KCNB2: variants seen among roughly 807,000 people sequenced by gnomAD.
KCNB2 encodes potassium voltage-gated channel subfamily B member 2.
KCNB2 carries 15 observed loss-of-function variants against 61.5 expected under a neutral mutation model. The ratio of observed to expected loss-of-function variants is 0.24; its 90% CI spans 0.16 to 0.38. The LOEUF (loss-of-function observed/expected upper bound fraction) is 0.38, where lower values mean the gene tolerates loss of function less well. KCNB2 is among the 10% of genes least tolerant of loss of function. The pLI, the probability that KCNB2 is intolerant of heterozygous loss-of-function variation, is 1.00. For synonymous variants in KCNB2, 457 were observed against 446.0 expected (o/e 1.02, Z -0.31); for missense variants, 828 against 1,125.2 (o/e 0.74, Z 3.78).
chr8:72,822,597 AC>A (rs1350898481), intron 2 of KCNB2, among the ~76,000 whole-genome samples: 1 of 152,066 alleles, frequency 6.6e-6, no homozygotes, highest in African/African-American at 2.4e-5. Context: ...ACCTCTCGCC[AC>A]CCTGGCCCCC....
At chr8:72,606,518 A>G (rs890592117) in intron 2 of KCNB2, among the ~76,000 whole-genome samples, 2 of 152,326 alleles carry the variant, frequency 1.3e-5, no homozygotes, top group Admixed American at 1.3e-4. Flanking sequence ...ACTAATTAGT[A>G]ATTGTTATTT....
intron 2 of KCNB2, among the ~76,000 whole-genome samples, chr8:72,688,919 G>A (rs1279806321): frequency 2.6e-5 from 4 of 151,990 alleles, no homozygotes; most frequent in Non-Finnish European, 4.4e-5. Context: ...TTGTAGAGAC[G>A]GGTTTCACCA....
intron 2 of KCNB2, among the ~76,000 whole-genome samples, chr8:72,785,554 C>T (rs1808832997): frequency 6.6e-6 from 1 of 152,090 alleles, no homozygotes; most frequent in Admixed American, 6.6e-5. Flanking sequence ...TAATAATGCT[C>T]TTTAATTGAA....
chr8:72,923,940 A>G (rs1328786104), intron 2 of KCNB2, among the ~76,000 whole-genome samples: 1 of 152,220 alleles, frequency 6.6e-6, no homozygotes, highest in South Asian at 2.1e-4. Context: ...CATGCATTAT[A>G]TCATTTCAGC....
chr8:72,917,136 T>C (rs1009976417), intron 2 of KCNB2, among the ~76,000 whole-genome samples: 1 of 152,308 alleles, frequency 6.6e-6, no homozygotes, highest in Middle Eastern at 3.4e-3. Context: ...TAAACAACAG[T>C]AAATCATTAA....
chr8:72,564,030 G>C (rs1342639093), intron 1 of KCNB2, among the ~76,000 whole-genome samples: 1 of 152,164 alleles, frequency 6.6e-6, no homozygotes, highest in East Asian at 1.9e-4. Context: ...ATTTCAGTTT[G>C]TCTTTTATTG....
chr8:72,925,763 A>T (rs1202818827), intron 2 of KCNB2, among the ~76,000 whole-genome samples: 2 of 152,210 alleles, frequency 1.3e-5, no homozygotes, highest in Non-Finnish European at 2.9e-5. Context: ...AAGTAATATA[A>T]ATCATTCTAT....
At chr8:72,595,756 A>G (rs73686084) in intron 2 of KCNB2, among the ~76,000 whole-genome samples, 5,023 of 152,258 alleles carry the variant, frequency 0.033, 309 homozygotes, top group African/African-American at 0.12. Context: ...GGCCCAGCCT[A>G]CATTATATTG....
intron 2 of KCNB2, among the ~76,000 whole-genome samples, chr8:72,687,539 G>A (rs1314098218): frequency 1.3e-5 from 2 of 151,962 alleles, no homozygotes; most frequent in African/African-American, 4.8e-5. Context: ...TCACAACGAT[G>A]GAACTCATAA....
At chr8:72,710,567 C>T (rs1433112117) in intron 2 of KCNB2, among the ~76,000 whole-genome samples, 1 of 152,068 alleles carries the variant, frequency 6.6e-6, no homozygotes, top group African/African-American at 2.4e-5. Context: ...CAAGCAGGCC[C>T]ATGTACCTCA....
chr8:72,714,577 G>A (rs1008455119), intron 2 of KCNB2, among the ~76,000 whole-genome samples: 1 of 152,078 alleles, frequency 6.6e-6, no homozygotes, highest in Non-Finnish European at 1.5e-5. Context: ...ATAAGTGAAG[G>A]AGAAATAAAA....
At position 72,561,719 on chromosome 8, in the gene KCNB2, ATATATATATC is replaced by A. The variant is rs1322193301; in HGVS notation, c.-93-5917_-93-5908del. On this transcript the variant is annotated intron_variant, in intron 1 of 2. Coordinates refer to ENST00000523207, the MANE Select transcript of KCNB2 (RefSeq NM_004770.3). ...TATATATATATATATATATATATATATATATATATCTATATCTATATATATATGTATATAT... is the reference window on the plus strand; with the variant it reads ...TATATATATATATATATATATATATATATATCTATATATATATGTATATAT... Among the ~76,000 whole-genome samples the A allele has an allele frequency of 1.6e-3, 38 of 24,102 alleles. 3 individuals carry two copies. The highest frequency in any genetic ancestry group is 0.013 in the African/African-American group (35 of 2,746). 15.8% of individuals were successfully genotyped at this position (24,102 alleles called of 152,430 possible).
chr8:72,911,732 G>A (rs180754900), intron 2 of KCNB2, among the ~76,000 whole-genome samples: 3 of 152,172 alleles, frequency 2.0e-5, no homozygotes, highest in African/African-American at 7.2e-5. Context: ...TCTTTTCACA[G>A]GGCCATCTCT....
At chr8:72,725,601 A>ATGTGTG (rs1554587084) in intron 2 of KCNB2, among the ~76,000 whole-genome samples, 2 of 100,250 alleles carry the variant, frequency 2.0e-5, no homozygotes, top group South Asian at 3.2e-4. Context: ...GTATATATAT[A>ATGTGTG]TATATATATA....
At chr8:72,623,799 A>T (rs961950940) in intron 2 of KCNB2, among the ~76,000 whole-genome samples, 1 of 152,214 alleles carries the variant, frequency 6.6e-6, no homozygotes, top group Non-Finnish European at 1.5e-5. Flanking sequence ...ACATGAGAAG[A>T]TGGATTTATA....
At chr8:72,824,597 G>A (rs1314413212) in intron 2 of KCNB2, among the ~76,000 whole-genome samples, 4 of 152,108 alleles carry the variant, frequency 2.6e-5, no homozygotes, top group Non-Finnish European at 4.4e-5. Flanking sequence ...CTCATCTCCC[G>A]AAACTGCAAA....
intron 2 of KCNB2, among the ~76,000 whole-genome samples, chr8:72,858,333 C>G (rs1272469517): frequency 2.0e-5 from 3 of 151,960 alleles, no homozygotes; most frequent in Non-Finnish European, 4.4e-5. Flanking sequence ...TACATAATTT[C>G]AAGATATGTC....
intron 2 of KCNB2, among the ~76,000 whole-genome samples, chr8:72,841,991 C>G (rs1809898516): frequency 6.6e-6 from 1 of 152,184 alleles, no homozygotes. Flanking sequence ...GAGAGGGCAT[C>G]CTTGTCTTCA....
chr8:72,598,210 T>G (rs1025019067), intron 2 of KCNB2, among the ~76,000 whole-genome samples: 1 of 152,176 alleles, frequency 6.6e-6, no homozygotes, highest in Admixed American at 6.5e-5. Context: ...AATAAAATAC[T>G]GGCAAACCGA....
Sources: gnomAD v4.1 joint callset for allele counts (sites outside exome capture counted in the v4.1 genomes callset) on GRCh38, gnomAD v4.1.1 for gene constraint, MANE v1.5 for transcripts, NCBI Gene and HGNC (gene_info 2026-07-23, HGNC 2026-07-21) for gene names.